The following HIBCH variants were observed in gnomAD, a reference collection of about 807,000 sequenced individuals.
The protein encoded by HIBCH is 3-hydroxyisobutyryl-CoA hydrolase, mitochondrial.
Under a neutral mutation model 58.2 loss-of-function variants are expected in HIBCH, and 50 were observed. The ratio of observed to expected loss-of-function variants is 0.86; its 90% confidence interval spans 0.68 to 1.09. The LOEUF (loss-of-function observed/expected upper bound fraction) is 1.09. Ranked by LOEUF, HIBCH falls within the 50% of genes least tolerant of loss-of-function variation. HIBCH has a pLI of 0.00. For synonymous variants in HIBCH, 151 were observed against 146.9 expected (o/e 1.03, Z -0.20); for missense variants, 450 against 449.7 (o/e 1.00, Z -0.01).
chr2:190,293,883 T>C (rs1244785981), intron 4 of HIBCH, among the ~76,000 whole-genome samples: 1 of 151,848 alleles, frequency 6.6e-6, no homozygotes, highest in East Asian at 1.9e-4. Context: ...TCTTCTCTTT[T>C]GTCTTTAACA....
At chr2:190,219,985 A>T (rs979621360) in intron 11 of HIBCH, among the ~76,000 whole-genome samples, 2 of 152,198 alleles carry the variant, frequency 1.3e-5, no homozygotes, top group Non-Finnish European at 2.9e-5. Flanking sequence ...CCTAAAAATA[A>T]ATCTACTCAC....
chr2:190,232,719 G>A (rs1686141980), intron 11 of HIBCH, among the ~76,000 whole-genome samples: 1 of 152,192 alleles, frequency 6.6e-6, no homozygotes, highest in Non-Finnish European at 1.5e-5. Flanking sequence ...AGCACTTTGG[G>A]AGGCCGAGGC....
At chr2:190,260,902 T>A (rs1161529279) in intron 7 of HIBCH, among the ~76,000 whole-genome samples, 1 of 152,218 alleles carries the variant, frequency 6.6e-6, no homozygotes. Context: ...TAATGATATT[T>A]TATCTATAGT....
intron 11 of HIBCH, among the ~76,000 whole-genome samples, chr2:190,227,902 C>T (rs1040752415): frequency 3.9e-5 from 6 of 152,162 alleles, no homozygotes; most frequent in Non-Finnish European, 7.4e-5. Flanking sequence ...AGTCAGGAAA[C>T]GACAGGTGCT....
In HIBCH at chr2:190,291,394, A is replaced by G. The variant is rs190649007; in HGVS notation, c.305-909T>C. Among the ~76,000 whole-genome samples the G allele has an allele frequency of 1.2e-4, 18 of 152,298 alleles. No homozygotes were observed. The East Asian group carries it at 3.5e-3, about 29-fold the overall frequency. Reference sequence around the variant, plus strand: ...GTAATTAATTAAAAGAAGGCTTCCTAGAAGAGGTAACCCTAAGCCAAGTTG... The same window carrying G: ...GTAATTAATTAAAAGAAGGCTTCCTGGAAGAGGTAACCCTAAGCCAAGTTG... On this transcript the variant is annotated intron_variant, in intron 4 of 13. Transcript: ENST00000359678.
At chr2:190,229,903 G>A (rs1000239995) in intron 11 of HIBCH, among the ~76,000 whole-genome samples, 5 of 151,530 alleles carry the variant, frequency 3.3e-5, no homozygotes, top group South Asian at 2.1e-4. Context: ...TAACAAGTCC[G>A]TAAAAACGTA....
At chr2:190,310,934 A>T (rs1432290462) in intron 1 of HIBCH, 138 bp from the exon 2 acceptor site, 8 of 720,810 alleles carry the variant, frequency 1.1e-5, no homozygotes, top group Non-Finnish European at 1.8e-5. Context: ...TTTAGCTCTC[A>T]TTCACTGCTG....
At chr2:190,293,396 C>G (rs1263547669) in intron 4 of HIBCH, among the ~76,000 whole-genome samples, 1 of 151,564 alleles carries the variant, frequency 6.6e-6, no homozygotes, top group Non-Finnish European at 1.5e-5. Context: ...GAGGTTGCAG[C>G]GAGCAGAGAT....
At chr2:190,273,191 G>A (rs1016243760) in intron 6 of HIBCH, among the ~76,000 whole-genome samples, 7 of 152,142 alleles carry the variant, frequency 4.6e-5, no homozygotes, top group East Asian at 3.9e-4. Context: ...TCAGGAGTTC[G>A]AGACCAGCCT....
At chr2:190,264,457 A>G (rs964347152) in intron 6 of HIBCH, among the ~76,000 whole-genome samples, 1 of 152,150 alleles carries the variant, frequency 6.6e-6, no homozygotes, top group African/African-American at 2.4e-5. Context: ...TCTGTCAGTC[A>G]CTACACCCTC....
chr2:190,305,264 G>A (rs144546797), intron 2 of HIBCH, among the ~76,000 whole-genome samples: 8 of 152,154 alleles, frequency 5.3e-5, no homozygotes, highest in East Asian at 1.9e-4. Context: ...AGATGAGTCC[G>A]AGATGACTTT....
intron 13 of HIBCH, among the ~76,000 whole-genome samples, chr2:190,208,347 G>C (rs139384767): frequency 7.4e-4 from 112 of 152,240 alleles, no homozygotes; most frequent in African/African-American, 2.7e-3. Flanking sequence ...ATAAATGCAT[G>C]TTTCAAAGGC....
chr2:190,223,831 C>T (rs1685804372), intron 11 of HIBCH, among the ~76,000 whole-genome samples: 1 of 152,206 alleles, frequency 6.6e-6, no homozygotes, highest in Admixed American at 6.5e-5. Context: ...GTCTACAGCT[C>T]CCAGAGTGAG....
intron 11 of HIBCH, among the ~76,000 whole-genome samples, chr2:190,227,793 G>A (rs983661077): frequency 2.8e-4 from 42 of 152,128 alleles, no homozygotes; most frequent in Non-Finnish European, 5.9e-5. Flanking sequence ...GCAGCCAACA[G>A]ACACATGAAA....
intron 11 of HIBCH, among the ~76,000 whole-genome samples, chr2:190,242,503 A>ATG (rs1312553691): frequency 1.3e-5 from 2 of 151,982 alleles, no homozygotes; most frequent in African/African-American, 4.8e-5. Context: ...AAGAGGCATT[A>ATG]TGGTTTTTGG....
Position 190,281,980 on chromosome 2 carries a change from T to C in HIBCH, c.438+5606A>G, listed in dbSNP as rs1299039047. 2.0e-5 allele frequency among the ~76,000 whole-genome samples: 3 copies of C among 152,206 alleles called. No individual in the cohort carries two copies. The highest frequency in any genetic ancestry group is 7.2e-5 in the African/African-American group (3 of 41,460). On this transcript the variant is annotated intron_variant, in intron 6 of 13. Coordinates refer to ENST00000359678, the MANE Select transcript of HIBCH (RefSeq NM_014362.4). The surrounding 1 kb of genome is among the most constrained non-coding windows in gnomAD (Gnocchi z 5.4). ...TCATCAAAATGGCCATTACTGTCCA[T>C]ATTTCTATTAGCATTCTGCCCATGA...
chr2:190,222,831 T>C (rs577291436), intron 11 of HIBCH, among the ~76,000 whole-genome samples: 30 of 152,350 alleles, frequency 2.0e-4, no homozygotes, highest in African/African-American at 6.0e-4. Context: ...CGTATGTTTA[T>C]TGCAGCACTA....
chr2:190,257,525 A>G (rs939505603), intron 7 of HIBCH, among the ~76,000 whole-genome samples: 3 of 152,206 alleles, frequency 2.0e-5, no homozygotes, highest in African/African-American at 7.2e-5. Context: ...GAGAAGACAC[A>G]ATGACCAATA....
chr2:190,233,122 G>T (rs537534605), intron 11 of HIBCH, among the ~76,000 whole-genome samples: 74 of 152,188 alleles, frequency 4.9e-4, no homozygotes, highest in Middle Eastern at 3.4e-3. Context: ...TGAGAAACCT[G>T]AAGCCTTCAT....
Sources: gnomAD v4.1 joint callset for allele counts (sites outside exome capture counted in the v4.1 genomes callset) on GRCh38, gnomAD v4.1.1 for gene constraint, Gnocchi (gnomAD v3.1) non-coding constraint, MANE v1.5 for transcripts, NCBI Gene and HGNC (gene_info 2026-07-23, HGNC 2026-07-21) for gene names.